The following TLCD4 variants were observed in gnomAD, a reference collection of about 807,000 sequenced individuals.
The protein encoded by TLCD4 is TLC domain containing 4, also known as TLC domain-containing protein 4.
Under a neutral mutation model 24.2 loss-of-function variants are expected in TLCD4, and 7 were observed. The ratio of observed to expected loss-of-function variants is 0.29; its 90% CI spans 0.16 to 0.54. The LOEUF (loss-of-function observed/expected upper bound fraction) is 0.54, where lower values mean the gene tolerates loss of function less well. TLCD4 is among the 20% of genes least tolerant of loss of function. The probability of loss-of-function intolerance (pLI) is 0.95; values close to 1 mark genes in which losing one functional copy is unlikely to be tolerated. For missense variants in TLCD4, 259 were observed against 313.9 expected, an observed-to-expected ratio of 0.82 and a Z score of 1.32; for synonymous variants, 103 against 106.4, an observed-to-expected ratio of 0.97 and a Z score of 0.20.
chr1:95,117,369 C>G lies in TLCD4; in HGVS notation c.-260C>G, dbSNP rs1300187350. Reference sequence around the variant, plus strand: ...GCGGCCCCTTTAAGGAGCAGCTCTGCGGTAACCCGAGCCCGCAGTCCGGGC... The same window carrying G: ...GCGGCCCCTTTAAGGAGCAGCTCTGGGGTAACCCGAGCCCGCAGTCCGGGC... On this transcript the variant is annotated 5_prime_UTR_variant, in exon 1 of 7. Coordinates refer to ENST00000370203, the MANE Select transcript of TLCD4 (RefSeq NM_152487.3). The G allele has an allele frequency of 6.6e-6, 1 of 152,196 alleles. No individual in the cohort carries two copies. The highest frequency in any genetic ancestry group is 1.5e-5 in the Non-Finnish European group (1 of 68,040). The allele number at this position is 152,196 out of a possible 1,614,324, so 9.4% of individuals were successfully genotyped here.
chr1:95,131,857 A>T (rs189150086), intron 1 of TLCD4, among the ~76,000 whole-genome samples: 250 of 152,250 alleles, frequency 1.6e-3, no homozygotes, highest in African/African-American at 5.8e-3. Flanking sequence ...TGATGTTGGG[A>T]GGTGGGGCCT....
intron 1 of TLCD4, among the ~76,000 whole-genome samples, chr1:95,135,075 T>C (rs992218748): frequency 2.6e-5 from 4 of 152,210 alleles, no homozygotes; most frequent in Non-Finnish European, 4.4e-5. Context: ...TGATGGTGTA[T>C]ATACTTAACA....
chr1:95,182,568 G>T (rs1431053502), intron 6 of TLCD4, among the ~76,000 whole-genome samples: 4 of 152,166 alleles, frequency 2.6e-5, no homozygotes, highest in Non-Finnish European at 5.9e-5. Context: ...AAAGGATACA[G>T]TGGCTACTAA....
At chr1:95,094,868 A>G in the TLCD4 span, among the ~76,000 whole-genome samples, 1 of 152,222 alleles carries the variant, frequency 6.6e-6, no homozygotes, top group Non-Finnish European at 1.5e-5. Context: ...GGATAATTAA[A>G]GCCTGAATAA....
intron 6 of TLCD4, among the ~76,000 whole-genome samples, chr1:95,186,503 G>C (rs1453857403): frequency 6.6e-6 from 1 of 152,206 alleles, no homozygotes; most frequent in East Asian, 1.9e-4. Context: ...AGAGAGATTT[G>C]AGGATTTGAA....
At position 95,127,172 on chromosome 1, in the gene TLCD4, G is replaced by C. The variant is rs189517602; in HGVS notation, c.-12+9555G>C. ...TATTGGAACTAGGCTTTGACTCTAGGTATCTCTCCAGCTGAGCGGCATTCA... is the reference window on the plus strand; with the variant it reads ...TATTGGAACTAGGCTTTGACTCTAGCTATCTCTCCAGCTGAGCGGCATTCA... On this transcript the variant is annotated intron_variant, in intron 1 of 6. Transcript: ENST00000370203. Among the ~76,000 whole-genome samples the C allele has an allele frequency of 1.3e-4, 20 of 152,282 alleles. 1 individual carries two copies. Among genetic ancestry groups the C allele is most frequent in the Middle Eastern group, 3.4e-3 (1 of 294 alleles).
At chr1:95,151,266 T>A in intron 4 of TLCD4, 59 bp from the exon 5 acceptor site, 1 of 1,567,004 alleles carries the variant, frequency 6.4e-7, no homozygotes, top group Admixed American at 1.7e-5. Flanking sequence ...TTCAATACAT[T>A]TGAAAAACAG....
chr1:95,105,293 T>C, the TLCD4 span, among the ~76,000 whole-genome samples: 9 of 152,210 alleles, frequency 5.9e-5, no homozygotes, highest in Non-Finnish European at 1.0e-4. Context: ...AGGGACTATC[T>C]GCATAAGACA....
intron 6 of TLCD4, among the ~76,000 whole-genome samples, chr1:95,175,647 C>T (rs1335389881): frequency 6.6e-6 from 1 of 152,228 alleles, no homozygotes; most frequent in Non-Finnish European, 1.5e-5. Flanking sequence ...TACATTCCCA[C>T]TAACAGTGCA....
intron 1 of TLCD4, among the ~76,000 whole-genome samples, chr1:95,129,984 C>T (rs988650987): frequency 3.9e-5 from 6 of 152,148 alleles, no homozygotes; most frequent in African/African-American, 1.4e-4. Flanking sequence ...ATATTATCCT[C>T]CTAAGTCTTT....
intron 5 of TLCD4, among the ~76,000 whole-genome samples, chr1:95,170,627 C>A (rs1477200566): frequency 1.3e-5 from 2 of 152,114 alleles, no homozygotes; most frequent in Non-Finnish European, 2.9e-5. Flanking sequence ...CTGCGCCCAG[C>A]CATAATGCAA....
At chr1:95,133,331 A>T (rs916330178) in intron 1 of TLCD4, among the ~76,000 whole-genome samples, 1 of 152,046 alleles carries the variant, frequency 6.6e-6, no homozygotes, top group Non-Finnish European at 1.5e-5. Flanking sequence ...ACATGTATAC[A>T]TATGTAACAA....
intron 1 of TLCD4, chr1:95,118,216 T>G (rs4950083): frequency 0.3 from 45,633 of 152,046 alleles, 8,041 homozygotes; most frequent in Middle Eastern, 0.4. Context: ...GGACCAGGCG[T>G]AGAGTCGGAG....
At chr1:95,104,572 G>A in the TLCD4 span, among the ~76,000 whole-genome samples, 1 of 150,894 alleles carries the variant, frequency 6.6e-6, no homozygotes, top group Non-Finnish European at 1.5e-5. Context: ...GGCTGAGGCA[G>A]ACGAGTGGCA....
the TLCD4 span, among the ~76,000 whole-genome samples, chr1:95,103,225 C>T: frequency 5.7e-4 from 87 of 152,260 alleles, no homozygotes; most frequent in African/African-American, 2.0e-3. Context: ...GTGATGCACC[C>T]GCCTCAGCCA....
At chr1:95,131,066 A>G (rs906926926) in intron 1 of TLCD4, among the ~76,000 whole-genome samples, 3 of 152,230 alleles carry the variant, frequency 2.0e-5, no homozygotes, top group African/African-American at 7.2e-5. Context: ...TTTATTTAAC[A>G]TATTTATTGA....
chr1:95,137,683 G>C (rs2100926552), intron 1 of TLCD4, among the ~76,000 whole-genome samples: 1 of 150,838 alleles, frequency 6.6e-6, no homozygotes, highest in East Asian at 1.9e-4. Flanking sequence ...CTTCCTCTCT[G>C]TCCTTCTTTC....
chr1:95,099,808 A>G, the TLCD4 span, among the ~76,000 whole-genome samples: 1 of 151,930 alleles, frequency 6.6e-6, no homozygotes, highest in Non-Finnish European at 1.5e-5. Flanking sequence ...ATCCCCATGA[A>G]AGTTTTTTTT....
intron 3 of TLCD4, among the ~76,000 whole-genome samples, chr1:95,149,862 G>A (rs569188559): frequency 6.6e-6 from 1 of 152,194 alleles, no homozygotes; most frequent in Non-Finnish European, 1.5e-5. Context: ...TATATTTACA[G>A]ATCAAAATTT....
Sources: allele counts gnomAD v4.1 joint callset (sites outside exome capture counted in the v4.1 genomes callset), GRCh38; gene constraint gnomAD v4.1.1; transcripts MANE v1.5; gene names NCBI Gene and HGNC (gene_info 2026-07-23, HGNC 2026-07-21).